The following ZNF292 variants were observed in gnomAD, a reference collection of about 807,000 sequenced individuals.
The protein encoded by ZNF292 is zinc finger protein 292.
ZNF292 carries 26 observed loss-of-function variants against 217.9 expected under a neutral mutation model. The observed-to-expected ratio is 0.12, with a 90% confidence interval of 0.09 to 0.17. The LOEUF (loss-of-function observed/expected upper bound fraction) is 0.17. Ranked by LOEUF, ZNF292 falls within the 10% of genes least tolerant of loss-of-function variation. ZNF292 has a pLI of 1.00. For missense variants in ZNF292, 2,904 were observed against 3,175.2 expected (o/e 0.91, Z 2.05); for synonymous variants, 1,257 against 1,124.1 (o/e 1.12, Z -2.37).
At chr6:87,179,404 G>A (rs1243030079) in intron 1 of ZNF292, among the ~76,000 whole-genome samples, 3 of 152,084 alleles carry the variant, frequency 2.0e-5, no homozygotes, top group African/African-American at 2.4e-5. Context: ...CAGGTGATCC[G>A]CCCGCATCAG....
intron 3 of ZNF292, among the ~76,000 whole-genome samples, chr6:87,217,818 A>G (rs113005453): frequency 3.3e-5 from 5 of 152,234 alleles, no homozygotes; most frequent in African/African-American, 1.2e-4. Flanking sequence ...AAGAGTTTCT[A>G]CAACACTTTG....
At chr6:87,176,478 G>T (rs1211201802) in intron 1 of ZNF292, among the ~76,000 whole-genome samples, 1 of 152,194 alleles carries the variant, frequency 6.6e-6, no homozygotes, top group East Asian at 1.9e-4. Context: ...TTACTTTAGG[G>T]GAAGGTCAGA....
intron 1 of ZNF292, among the ~76,000 whole-genome samples, chr6:87,168,831 G>A (rs747435912): frequency 2.6e-5 from 4 of 151,846 alleles, no homozygotes; most frequent in African/African-American, 4.8e-5. Flanking sequence ...ATCATCCCTC[G>A]GTATTCGTAG....
At chr6:87,239,068 T>C (rs1228249478) in intron 5 of ZNF292, among the ~76,000 whole-genome samples, 1 of 152,270 alleles carries the variant, frequency 6.6e-6, no homozygotes, top group African/African-American at 2.4e-5. Context: ...TAGAGTCTCC[T>C]ATGTCTACTT....
intron 7 of ZNF292, among the ~76,000 whole-genome samples, chr6:87,248,838 C>T (rs774433636): frequency 1.4e-4 from 21 of 152,294 alleles, no homozygotes; most frequent in Admixed American, 2.0e-4. Flanking sequence ...TTACTCACCA[C>T]TCATAAAGAG....
chr6:87,247,251 A>T (rs1429941823), intron 7 of ZNF292, among the ~76,000 whole-genome samples: 1 of 143,570 alleles, frequency 7.0e-6, no homozygotes, highest in Non-Finnish European at 1.5e-5. Context: ...CCCCCTCACC[A>T]CCGCCCCCTG....
At chr6:87,170,295 A>G (rs1268094566) in intron 1 of ZNF292, 3 of 152,124 alleles carry the variant, frequency 2.0e-5, no homozygotes, top group Non-Finnish European at 4.4e-5. Context: ...ATTTTTTTTA[A>G]TTGCCTCCCT....
rs1472528063 is a variant in ZNF292 at position 87,264,213 on chromosome 6, ATTGTC to A, written c.*2416_*2420del. On this transcript the variant is annotated 3_prime_UTR_variant, in exon 8 of 8. Coordinates refer to ENST00000369577, the MANE Select transcript of ZNF292 (RefSeq NM_015021.3). ...TTCATGGTATACTTTTCCCCAGCCT[ATTGTC>A]TTGAGATATCTTCTACAGCCTAAAT... The A allele has an allele frequency of 5.9e-5, 9 of 152,124 alleles. No individual in the cohort carries two copies. Among genetic ancestry groups the A allele is most frequent in the Admixed American group, 1.3e-4 (2 of 15,256 alleles). 9.4% of individuals were successfully genotyped at this position (152,124 alleles called of 1,614,324 possible). A position where few individuals can be genotyped will look rare whatever the true frequency, so the allele number is the denominator to read the frequency against.
chr6:87,157,948 G>A (rs553316607), intron 1 of ZNF292, among the ~76,000 whole-genome samples: 1 of 152,296 alleles, frequency 6.6e-6, no homozygotes, highest in East Asian at 1.9e-4. Context: ...CTGACCTCAA[G>A]TGATCCACCC....
In ZNF292 at chr6:87,256,719, C is replaced by A. The variant is rs547133043; in HGVS notation, c.3090C>A (p.Thr1030=). The change falls in exon 8 of 8, where the codon ACC becomes ACA. Residue 1030 remains threonine, a synonymous_variant. Coordinates refer to ENST00000369577, the MANE Select transcript of ZNF292 (RefSeq NM_015021.3). ...AAAGACAAGTGAACAACTTGATGAC[C>A]TTTTCTGTGCAAAATCAGGCAGCAT... is the stretch of plus-strand genomic sequence containing the variant. ...NLERQVNNLM[T]FSVQNQAAFQ... The A allele has an allele frequency of 1.2e-6, 2 of 1,612,812 alleles. No homozygotes were observed. The highest frequency in any genetic ancestry group is 2.2e-5 in the South Asian group (2 of 91,070).
intron 1 of ZNF292, among the ~76,000 whole-genome samples, chr6:87,184,963 A>G (rs1436911122): frequency 1.3e-5 from 2 of 152,232 alleles, no homozygotes; most frequent in African/African-American, 4.8e-5. Context: ...TGATGGTGCC[A>G]CAGTGAGGTC....
At chr6:87,195,754 G>A (rs1335455669) in intron 1 of ZNF292, among the ~76,000 whole-genome samples, 1 of 152,126 alleles carries the variant, frequency 6.6e-6, no homozygotes, top group South Asian at 2.1e-4. Flanking sequence ...TAGGCAGGGC[G>A]TGGTGGCTCA....
At chr6:87,252,216 G>T (rs1288665264) in intron 7 of ZNF292, among the ~76,000 whole-genome samples, 1 of 151,304 alleles carries the variant, frequency 6.6e-6, no homozygotes, top group Non-Finnish European at 1.5e-5. Context: ...CAGTGGTGCA[G>T]TCTCGGCTCA....
chr6:87,244,180 A>G (rs1227230943), intron 6 of ZNF292, among the ~76,000 whole-genome samples: 1 of 152,228 alleles, frequency 6.6e-6, no homozygotes, highest in Non-Finnish European at 1.5e-5. Context: ...AAGAATATTT[A>G]CCAAATGACA....
intron 4 of ZNF292, among the ~76,000 whole-genome samples, chr6:87,231,478 A>G (rs1773652881): frequency 6.6e-6 from 1 of 152,206 alleles, no homozygotes; most frequent in Admixed American, 6.5e-5. Context: ...CAAATGATGG[A>G]ACAGACAAAA....
At chr6:87,162,960 T>C (rs977457903) in intron 1 of ZNF292, among the ~76,000 whole-genome samples, 2 of 152,352 alleles carry the variant, frequency 1.3e-5, no homozygotes, top group East Asian at 1.9e-4. Flanking sequence ...TTTGTCAGCA[T>C]ACATACACTG....
intron 4 of ZNF292, among the ~76,000 whole-genome samples, chr6:87,231,506 T>G (rs1377594623): frequency 6.6e-6 from 1 of 152,160 alleles, no homozygotes; most frequent in Non-Finnish European, 1.5e-5. Flanking sequence ...TAAATTTCCT[T>G]CTACTCAAAT....
rs146797108 is a variant in ZNF292, at chr6:87,264,077, CAAAA to C, written c.*2281_*2284del. ...TGAGAGTGGGCTTTTTAGCATGAAACAAAAAAAATCAAACTATGGTAAAAAGACA... is the reference window on the plus strand; with the variant it reads ...TGAGAGTGGGCTTTTTAGCATGAAACAAAATCAAACTATGGTAAAAAGACA... On this transcript the variant is annotated 3_prime_UTR_variant, in exon 8 of 8. Coordinates refer to ENST00000369577, the MANE Select transcript of ZNF292 (RefSeq NM_015021.3). The C allele has an allele frequency of 5.5e-4, 83 of 151,174 alleles. No homozygotes were observed. The highest frequency in any genetic ancestry group is 1.9e-3 in the African/African-American group (80 of 41,214). 9.4% of individuals were successfully genotyped at this position (151,174 alleles called of 1,614,324 possible).
intron 1 of ZNF292, chr6:87,170,336 A>G (rs1417610717): frequency 6.6e-6 from 1 of 152,238 alleles, no homozygotes; most frequent in Non-Finnish European, 1.5e-5. Flanking sequence ...GCATAAAATG[A>G]CATTGTCAAT....
Sources: gnomAD v4.1 joint callset for allele counts (sites outside exome capture counted in the v4.1 genomes callset) on GRCh38, gnomAD v4.1.1 for gene constraint, MANE v1.5 for transcripts, NCBI Gene and HGNC (gene_info 2026-07-23, HGNC 2026-07-21) for gene names.